Variants in ARB2A observed in about 807,000 individuals in gnomAD.
ARB2A encodes cotranscriptional regulator ARB2A.
At chr5:93,903,019 C>A in the ARB2A span, among the ~76,000 whole-genome samples, 2 of 152,074 alleles carry the variant, frequency 1.3e-5, no homozygotes, top group African/African-American at 4.8e-5. Flanking sequence ...GGGGTGAATT[C>A]TCTTTTTAGT....
At chr5:93,659,838 T>A in the ARB2A span, among the ~76,000 whole-genome samples, 5 of 152,138 alleles carry the variant, frequency 3.3e-5, no homozygotes, top group African/African-American at 9.7e-5. Flanking sequence ...ATTTGTTAAC[T>A]TATATTCTTG....
the ARB2A span, among the ~76,000 whole-genome samples, chr5:93,925,097 AT>A: frequency 6.6e-6 from 1 of 152,108 alleles, no homozygotes; most frequent in Non-Finnish European, 1.5e-5. Context: ...AACACTTAGC[AT>A]TTCCCCCCAT....
the ARB2A span, among the ~76,000 whole-genome samples, chr5:93,697,528 T>C: frequency 6.6e-6 from 1 of 152,186 alleles, no homozygotes; most frequent in Non-Finnish European, 1.5e-5. Context: ...AATTCTTCTT[T>C]ACTTCTTATA....
chr5:93,797,491 T>G, the ARB2A span, among the ~76,000 whole-genome samples: 2 of 152,154 alleles, frequency 1.3e-5, no homozygotes, highest in Admixed American at 6.5e-5. Flanking sequence ...GGAGGCAGAA[T>G]TTTTGTTACA....
chr5:93,997,663 CT>C, the ARB2A span, among the ~76,000 whole-genome samples: 2 of 151,960 alleles, frequency 1.3e-5, no homozygotes, highest in Non-Finnish European at 2.9e-5. Context: ...TCAAATACCT[CT>C]GCAATGTATG....
chr5:94,099,682 A>C, the ARB2A span, among the ~76,000 whole-genome samples: 1 of 151,886 alleles, frequency 6.6e-6, no homozygotes, highest in Non-Finnish European at 1.5e-5. Flanking sequence ...TTCATCACAT[A>C]AACAGAACTA....
At chr5:93,692,122 G>A in the ARB2A span, among the ~76,000 whole-genome samples, 7 of 152,016 alleles carry the variant, frequency 4.6e-5, no homozygotes, top group South Asian at 2.1e-4. Flanking sequence ...ATTAACTAAC[G>A]GGCAAAATAA....
chr5:93,766,021 T>C, the ARB2A span, among the ~76,000 whole-genome samples: 1 of 152,174 alleles, frequency 6.6e-6, no homozygotes, highest in East Asian at 1.9e-4. Flanking sequence ...TCCTTACACC[T>C]TATACAAAAA....
chr5:93,702,793 T>C, the ARB2A span, among the ~76,000 whole-genome samples: 1 of 152,170 alleles, frequency 6.6e-6, no homozygotes, highest in South Asian at 2.1e-4. Flanking sequence ...TTTGCATCCA[T>C]ATCTATTATA....
the ARB2A span, among the ~76,000 whole-genome samples, chr5:93,725,468 A>C: frequency 8.7e-4 from 133 of 152,262 alleles, no homozygotes; most frequent in Admixed American, 4.7e-3. Context: ...GTAAGAATTT[A>C]ATTAGATATA....
the ARB2A span, chr5:93,959,031 A>G: frequency 9.3e-7 from 1 of 1,079,648 alleles, no homozygotes; most frequent in Non-Finnish European, 1.3e-6. Flanking sequence ...ACATAAATGA[A>G]AAAACAACTA....
the ARB2A span, among the ~76,000 whole-genome samples, chr5:94,025,715 C>A: frequency 2.0e-5 from 3 of 152,234 alleles, no homozygotes; most frequent in Non-Finnish European, 4.4e-5. Flanking sequence ...CTTTAAATAA[C>A]TGAATGAATG....
chr5:93,827,466 G>T, the ARB2A span, among the ~76,000 whole-genome samples: 24 of 152,088 alleles, frequency 1.6e-4, no homozygotes, highest in Non-Finnish European at 2.8e-4. Context: ...TTGTAAATTT[G>T]TTGGAGTTCA....
the ARB2A span, among the ~76,000 whole-genome samples, chr5:93,779,891 C>T: frequency 1.3e-5 from 2 of 152,158 alleles, no homozygotes; most frequent in African/African-American, 4.8e-5. Flanking sequence ...GAAATGCCTA[C>T]AGGCCCCAGT....
the ARB2A span, among the ~76,000 whole-genome samples, chr5:93,763,168 A>C: frequency 1.3e-5 from 2 of 152,180 alleles, no homozygotes; most frequent in Non-Finnish European, 2.9e-5. Flanking sequence ...CTAACATCAT[A>C]ATGACAGGAT....
At chr5:94,029,107 T>C in the ARB2A span, among the ~76,000 whole-genome samples, 1 of 152,124 alleles carries the variant, frequency 6.6e-6, no homozygotes, top group African/African-American at 2.4e-5. Context: ...TTTTCCCACC[T>C]CATCATTCCG....
chr5:93,688,915 C>T, the ARB2A span, among the ~76,000 whole-genome samples: 1 of 152,160 alleles, frequency 6.6e-6, no homozygotes, highest in African/African-American at 2.4e-5. Flanking sequence ...ATGATTTAAC[C>T]AGCCTTGCTT....
the ARB2A span, among the ~76,000 whole-genome samples, chr5:93,901,209 TG>T: frequency 2.6e-5 from 4 of 152,190 alleles, no homozygotes; most frequent in Non-Finnish European, 5.9e-5. Flanking sequence ...GTAATAAGCA[TG>T]AACAAAATTT....
the ARB2A span, among the ~76,000 whole-genome samples, chr5:93,681,249 T>G: frequency 6.6e-6 from 1 of 152,176 alleles, no homozygotes; most frequent in Non-Finnish European, 1.5e-5. Context: ...ACTGGTCTTC[T>G]GAAACAACGC....
Sources: gnomAD v4.1 joint callset for allele counts (sites outside exome capture counted in the v4.1 genomes callset) on GRCh38, gnomAD v4.1.1 for gene constraint, MANE v1.5 for transcripts, NCBI Gene and HGNC (gene_info 2026-07-23, HGNC 2026-07-21) for gene names.